The following GEMIN5 variants were observed in gnomAD, a reference collection of about 807,000 sequenced individuals.
GEMIN5 encodes the protein gem-associated protein 5.
GEMIN5 carries 124 observed loss-of-function variants against 176.9 expected under a neutral mutation model. The ratio of observed to expected loss-of-function variants is 0.70; its 90% confidence interval spans 0.61 to 0.81. The LOEUF is 0.81. Among genes scored for constraint, GEMIN5 ranks in the 40% least tolerant of loss-of-function variants. The probability of loss-of-function intolerance (pLI) is 0.00; values close to 1 mark genes in which losing one functional copy is unlikely to be tolerated. For missense variants in GEMIN5, 1,843 were observed against 1,814.6 expected (o/e 1.02, Z -0.28); for synonymous variants, 673 against 665.2 (o/e 1.01, Z -0.18).
chr5:154,906,040 G>A (rs1763561051), intron 16 of GEMIN5, among the ~76,000 whole-genome samples: 1 of 151,242 alleles, frequency 6.6e-6, no homozygotes, highest in African/African-American at 2.4e-5. Context: ...CTGTTGCCCA[G>A]GCTGGAGTGC....
At chr5:154,903,040 ATAAAGATGGATGAGAT>A (rs1423120730) in intron 19 of GEMIN5, 24 bp downstream of exon 19, 1 of 1,280,096 alleles carries the variant, frequency 7.8e-7, no homozygotes, top group Admixed American at 1.8e-5. Flanking sequence ...TTGGGAAAGT[ATAAAGATGGATGAGAT>A]TATGTTGACT....
At position 154,887,956 on chromosome 5, in the gene GEMIN5, G is replaced by C; in HGVS notation, c.*254C>G. On this transcript the variant is annotated 3_prime_UTR_variant, in exon 28 of 28. Coordinates refer to ENST00000285873, the MANE Select transcript of GEMIN5 (RefSeq NM_015465.5). ...TGTAGAGATGACCAACACTCTGCAGGTGTTAGTTCTGAATAACTACTGTGG... is the reference window on the plus strand; with the variant it reads ...TGTAGAGATGACCAACACTCTGCAGCTGTTAGTTCTGAATAACTACTGTGG... The C allele has an allele frequency of 2.2e-6, 1 of 450,460 alleles. No individual in the cohort carries two copies. Among genetic ancestry groups the C allele is most frequent in the Non-Finnish European group, 4.0e-6 (1 of 247,902 alleles). 27.9% of individuals were successfully genotyped at this position (450,460 alleles called of 1,614,324 possible). A position where few individuals can be genotyped will look rare whatever the true frequency, so the allele number is the denominator to read the frequency against.
At position 154,904,563 on chromosome 5, in the gene GEMIN5, G is replaced by T. The variant is rs150663121; in HGVS notation, c.2576C>A (p.Ser859Tyr). Reference sequence around the variant, plus strand: ...ACAGTCCTGATGAAGCTCCTCTTTGGATCTGTGGTCCAGGCTTGTACTCAG... The same window carrying T: ...ACAGTCCTGATGAAGCTCCTCTTTGTATCTGTGGTCCAGGCTTGTACTCAG... ...LPLSTSLDHRSKEELHQDCLV... is the reference protein window; with the variant it reads ...LPLSTSLDHRYKEELHQDCLV... Residue 859 changes from serine to tyrosine, a missense_variant, in exon 18 of 28, where the codon TCC (serine) becomes TAC (tyrosine). Coordinates refer to ENST00000285873, the MANE Select transcript of GEMIN5 (RefSeq NM_015465.5). 7.2e-5 allele frequency: 116 copies of T among 1,612,420 alleles called. No individual in the cohort carries two copies. The African/African-American group carries it at 1.3e-3, about 18-fold the overall frequency.
chr5:154,896,033 G>C, intron 24 of GEMIN5, 59 bp downstream of exon 24: 1 of 1,580,266 alleles, frequency 6.3e-7, no homozygotes, highest in Non-Finnish European at 8.6e-7. Context: ...CAATAGACAT[G>C]GATTAAGGAA....
In GEMIN5 at chr5:154,924,433, C is replaced by T. The variant is rs561209566; in HGVS notation, c.1379+36G>A. 3.8e-4 allele frequency: 535 copies of T among 1,390,272 alleles called. 6 individuals carry two copies. The South Asian group carries it at 5.3e-3, about 14-fold the overall frequency. The allele number at this position is 1,390,272 out of a possible 1,614,324, so 86.1% of individuals were successfully genotyped here. On this transcript the variant is annotated intron_variant, in intron 9 of 27. Coordinates refer to ENST00000285873, the MANE Select transcript of GEMIN5 (RefSeq NM_015465.5). ...AGGGGTGGCCAACCTTTTGGCTCCC[C>T]GGGCCACAATGGAAGAAGAATCACC...
Position 154,917,986 on chromosome 5 carries a change from T to A in GEMIN5, c.1618A>T (p.Thr540Ser). 1 of 1,610,992 alleles carries A rather than the reference T, an allele frequency of 6.2e-7. No homozygotes were observed. The highest frequency in any genetic ancestry group is 2.2e-5 in the East Asian group (1 of 44,858). ...NSIKYKLPVHTEISWKADGKI... is the reference protein window; with the variant it reads ...NSIKYKLPVHSEISWKADGKI... ...CCATCTGCTTTCCAACTTATCTCTG[T>A]GTGTACAGGCAATTTGTACTAGAAA... The change falls in exon 12 of 28, where the codon ACA becomes TCA. Residue 540 changes from threonine (T) to serine (S), a missense_variant. Physicochemically the swap from Thr to Ser is moderately conservative, Grantham distance 58. Transcript: ENST00000285873.
intron 15 of GEMIN5, 36 bp downstream of exon 15, chr5:154,911,691 G>A: frequency 1.9e-6 from 3 of 1,562,128 alleles, no homozygotes; most frequent in Non-Finnish European, 2.6e-6. Flanking sequence ...AAGAAAGGGA[G>A]AAAAAGAATT....
At chr5:154,910,832 G>C (rs1582662212) in intron 15 of GEMIN5, among the ~76,000 whole-genome samples, 1 of 152,152 alleles carries the variant, frequency 6.6e-6, no homozygotes, top group Non-Finnish European at 1.5e-5. Flanking sequence ...CCGAGTAGCT[G>C]GGACTACAGG....
intron 23 of GEMIN5, among the ~76,000 whole-genome samples, chr5:154,898,052 C>T (rs1763388670): frequency 6.6e-6 from 1 of 151,888 alleles, no homozygotes; most frequent in Admixed American, 6.6e-5. Context: ...AGAAGCGTGC[C>T]ACCACGCTCG....
At position 154,920,045 on chromosome 5, in the gene GEMIN5, G is replaced by A. The variant is rs752482694; in HGVS notation, c.1521C>T (p.Val507=). Residue 507 remains valine, a synonymous_variant, in exon 11 of 28, where the codon GTC becomes GTT. Coordinates refer to ENST00000285873, the MANE Select transcript of GEMIN5 (RefSeq NM_015465.5). The stretch of plus-strand genomic sequence containing the variant: ...TAAGCTTCCAGGGATTATGCTGTAA[G>A]ACAATCCCTTCTCCTCCACAGCTGT... ...ALYSCGGEGI[V]LQHNPWKLSG... is the part of the protein sequence containing the mutation. The A allele has an allele frequency of 6.2e-7, 1 of 1,609,328 alleles. No individual in the cohort carries two copies. The highest frequency in any genetic ancestry group is 1.3e-5 in the African/African-American group (1 of 74,848).
chr5:154,893,503 T>C (rs1055348729), intron 24 of GEMIN5, among the ~76,000 whole-genome samples: 8 of 152,106 alleles, frequency 5.3e-5, no homozygotes, highest in Non-Finnish European at 1.2e-4. Context: ...ATTTTAAGTA[T>C]GTAGTTTGAG....
At chr5:154,891,122 C>T in intron 26 of GEMIN5, 119 bp downstream of exon 26, 1 of 770,130 alleles carries the variant, frequency 1.3e-6, no homozygotes, top group Non-Finnish European at 2.0e-6. Context: ...TGGTGAACTC[C>T]TGGGCCAAGT....
chr5:154,889,358 G>A lies in GEMIN5; in HGVS notation c.4322C>T (p.Ala1441Val), dbSNP rs773917629. 7 of 1,608,814 alleles carry A rather than the reference G, an allele frequency of 4.4e-6. No homozygotes were observed. In the East Asian group the frequency reaches 1.6e-4, roughly 36 times the overall value. ...AGGAAATTTCGCCATTCTCTGATTT[G>A]CCTCGGTAAGCCTTTTGGTTAACTC... ...LPELTKRLTEANQRMAKFPES... is the reference protein window; with the variant it reads ...LPELTKRLTEVNQRMAKFPES... The change falls in exon 27 of 28, where the codon GCA becomes GTA. Residue 1441 changes from alanine (A) to valine (V), a missense_variant. By Grantham distance (64) the Ala-to-Val change is moderately conservative. Coordinates refer to ENST00000285873, the MANE Select transcript of GEMIN5 (RefSeq NM_015465.5).
chr5:154,927,032 C>G (rs1362182268), intron 7 of GEMIN5, among the ~76,000 whole-genome samples: 3 of 137,594 alleles, frequency 2.2e-5, no homozygotes, highest in Non-Finnish European at 4.6e-5. Flanking sequence ...GCCTGGGAGA[C>G]AGAGCAAGAC....
At chr5:154,901,192 G>A (rs2113466706) in intron 21 of GEMIN5, 147 bp downstream of exon 21, 2 of 679,564 alleles carry the variant, frequency 2.9e-6, no homozygotes, top group Non-Finnish European at 4.9e-6. Flanking sequence ...TGGATGTGGT[G>A]GCATGCACCT....
In GEMIN5 at chr5:154,928,534, A is replaced by T. The variant is rs747262767; in HGVS notation, c.907T>A (p.Cys303Ser). The change falls in exon 6 of 28, where the codon TGT (cysteine) becomes AGT (serine). Residue 303 changes from cysteine (C) to serine (S), a missense_variant. Physicochemically the swap from Cys to Ser is moderately radical, Grantham distance 112. Transcript: ENST00000285873. The part of the protein sequence containing the change: ...SNQPTQLVSS[C>S]FGGELLQWDL... ...TGACCAAAAAAGACTTACCCAAAAC[A>T]GCTAGATACCAGCTGTGTTGGTTGA... The T allele has an allele frequency of 1.2e-6, 2 of 1,614,066 alleles. No individual in the cohort carries two copies. The highest frequency in any genetic ancestry group is 1.7e-6 in the Non-Finnish European group (2 of 1,179,986).
intron 9 of GEMIN5, among the ~76,000 whole-genome samples, chr5:154,923,343 G>A (rs1369642525): frequency 6.6e-6 from 1 of 151,854 alleles, no homozygotes; most frequent in Non-Finnish European, 1.5e-5. Context: ...TCGTACCACT[G>A]CACTCCAGCC....
At chr5:154,892,015 A>T (rs1186399399) in intron 25 of GEMIN5, among the ~76,000 whole-genome samples, 1 of 152,188 alleles carries the variant, frequency 6.6e-6, no homozygotes, top group Non-Finnish European at 1.5e-5. Context: ...CTCTGGGGCC[A>T]CGACAACAGA....
At chr5:154,924,707 C>T (rs1047451717) in intron 8 of GEMIN5, among the ~76,000 whole-genome samples, 153 bp from the exon 9 acceptor site, 1 of 152,150 alleles carries the variant, frequency 6.6e-6, no homozygotes, top group African/African-American at 2.4e-5. Context: ...AAAACAAAGT[C>T]GGCCGGGCGC....
Sources: allele counts gnomAD v4.1 joint callset (sites outside exome capture counted in the v4.1 genomes callset), GRCh38; gene constraint gnomAD v4.1.1; transcripts MANE v1.5; gene names NCBI Gene and HGNC (gene_info 2026-07-23, HGNC 2026-07-21).